Variants in PTPRU observed in about 807,000 individuals in gnomAD.
PTPRU encodes receptor-type tyrosine-protein phosphatase U.
A neutral mutation model predicts 166.3 loss-of-function variants in PTPRU; 69 were observed. That is an observed-to-expected ratio of 0.41 (90% CI 0.34 to 0.51). The LOEUF (loss-of-function observed/expected upper bound fraction) is 0.51, where lower values mean the gene tolerates loss of function less well. Ranked by LOEUF, PTPRU falls within the 20% of genes least tolerant of loss-of-function variation. The probability of loss-of-function intolerance (pLI) is 0.09; values close to 1 mark genes in which losing one functional copy is unlikely to be tolerated. For missense variants in PTPRU, 1,657 were observed against 2,013.7 expected, an observed-to-expected ratio of 0.82 and a Z score of 3.39; for synonymous variants, 793 against 814.0, an observed-to-expected ratio of 0.97 and a Z score of 0.44.
At chr1:29,286,927 C>T (rs1557451120) in intron 14 of PTPRU, among the ~76,000 whole-genome samples, 2 of 152,228 alleles carry the variant, frequency 1.3e-5, no homozygotes, top group African/African-American at 4.8e-5. Context: ...GTAGTACCCA[C>T]TGCATGCCCC....
At chr1:29,307,317 G>T (rs1445729229) in intron 18 of PTPRU, among the ~76,000 whole-genome samples, 2 of 152,220 alleles carry the variant, frequency 1.3e-5, no homozygotes, top group African/African-American at 2.4e-5. Context: ...GCCAGGGGCT[G>T]CCCAGGGCTG....
chr1:29,267,833 C>T (rs149836295), intron 7 of PTPRU, among the ~76,000 whole-genome samples: 77 of 152,252 alleles, frequency 5.1e-4, no homozygotes, highest in African/African-American at 1.6e-3. Context: ...GCAAAGGTGC[C>T]GCAGAGACCA....
intron 7 of PTPRU, among the ~76,000 whole-genome samples, chr1:29,270,699 A>G (rs950397016): frequency 1.3e-5 from 2 of 152,208 alleles, no homozygotes; most frequent in African/African-American, 2.4e-5. Flanking sequence ...GCAGTGGCTC[A>G]TGCCTGTAAT....
At chr1:29,309,290 GA>G (rs1687542881) in intron 18 of PTPRU, among the ~76,000 whole-genome samples, 1 of 152,106 alleles carries the variant, frequency 6.6e-6, no homozygotes, top group South Asian at 2.1e-4. Context: ...CCAGACCTTT[GA>G]ATCTGAATCT....
intron 25 of PTPRU, among the ~76,000 whole-genome samples, chr1:29,318,745 C>A (rs1029049433): frequency 6.6e-6 from 1 of 152,210 alleles, no homozygotes; most frequent in Non-Finnish European, 1.5e-5. Flanking sequence ...TGGCAGGGAG[C>A]AGGAGCAATT....
chr1:29,284,892 C>G, intron 14 of PTPRU, 23 bp downstream of exon 14: 2 of 1,592,882 alleles, frequency 1.3e-6, no homozygotes, highest in Non-Finnish European at 1.7e-6. Flanking sequence ...GGTGCCCTGT[C>G]CCACCAGTGG....
intron 26 of PTPRU, among the ~76,000 whole-genome samples, chr1:29,322,992 G>A (rs1312854151): frequency 2.0e-5 from 3 of 151,114 alleles, no homozygotes; most frequent in Admixed American, 6.6e-5. Flanking sequence ...TGAGAGAGAA[G>A]GCTGGGGGGA....
chr1:29,302,277 G>A (rs1687173224), intron 15 of PTPRU, among the ~76,000 whole-genome samples: 1 of 152,000 alleles, frequency 6.6e-6, no homozygotes, highest in African/African-American at 2.4e-5. Flanking sequence ...TTGTATAGCT[G>A]TACTATGTGC....
chr1:29,263,820 A>G (rs1685173290), intron 7 of PTPRU, among the ~76,000 whole-genome samples: 1 of 152,216 alleles, frequency 6.6e-6, no homozygotes, highest in African/African-American at 2.4e-5. Flanking sequence ...AGTGTTAAAA[A>G]TGACCAATTT....
At chr1:29,319,085 T>TGA (rs35478293) in intron 25 of PTPRU, among the ~76,000 whole-genome samples, 14,239 of 152,098 alleles carry the variant, frequency 0.094, 742 homozygotes, top group Middle Eastern at 0.19. Flanking sequence ...TAGCCACTGA[T>TGA]GAGAGATGTG....
intron 15 of PTPRU, among the ~76,000 whole-genome samples, chr1:29,302,304 C>A (rs983443818): frequency 1.3e-5 from 2 of 151,988 alleles, no homozygotes; most frequent in African/African-American, 2.4e-5. Context: ...TTACAAAAGT[C>A]AAAAAATTCA....
intron 5 of PTPRU, 47 bp from the exon 6 acceptor site, chr1:29,259,823 C>T: frequency 6.7e-7 from 1 of 1,488,212 alleles, no homozygotes; most frequent in East Asian, 2.5e-5. Context: ...GAGATCGGGA[C>T]CCCTCGCTCC....
At chr1:29,301,563 A>G (rs1687135052) in intron 15 of PTPRU, among the ~76,000 whole-genome samples, 1 of 152,246 alleles carries the variant, frequency 6.6e-6, no homozygotes, top group Non-Finnish European at 1.5e-5. Context: ...GAAGTGTCCC[A>G]GAAGAAGGCA....
Position 29,320,854 on chromosome 1 carries a change from G to T in PTPRU, c.3828+29G>T. 6.6e-7 allele frequency: 1 copy of T among 1,524,586 alleles called. No individual in the cohort carries two copies. Among genetic ancestry groups the T allele is most frequent in the Non-Finnish European group, 8.9e-7 (1 of 1,128,178 alleles). The allele number at this position is 1,524,586 out of a possible 1,614,324, so 94.4% of individuals were successfully genotyped here. ...AGGCCTCCACTGGCCAGGCCAATGG[G>T]CCGCCTGCTCCCAGGTCCTCTGTGT... On this transcript the variant is annotated intron_variant, in intron 26 of 29. Coordinates refer to ENST00000373779, the MANE Select transcript of PTPRU (RefSeq NM_133178.4). The surrounding 1 kb of genome is among the most constrained non-coding windows in gnomAD (Gnocchi z 5.2).
At position 29,280,212 on chromosome 1, in the gene PTPRU, C is replaced by A; in HGVS notation, c.1868+71C>A. 5 of 1,433,388 alleles carry A rather than the reference C, an allele frequency of 3.5e-6. No homozygotes were observed. The highest frequency in any genetic ancestry group is 4.9e-6 in the Non-Finnish European group (5 of 1,030,522). 88.8% of individuals were successfully genotyped at this position (1,433,388 alleles called of 1,614,324 possible). Reference sequence around the variant, plus strand: ...AGAGGCCCCTCCTCTGACCCAGAGCCCCATCCCAGGCCAGCTCACCCTTTT... The same window carrying A: ...AGAGGCCCCTCCTCTGACCCAGAGCACCATCCCAGGCCAGCTCACCCTTTT... On this transcript the variant is annotated intron_variant, in intron 11 of 29. Coordinates refer to ENST00000373779, the MANE Select transcript of PTPRU (RefSeq NM_133178.4). The surrounding 1 kb of genome is among the most constrained non-coding windows in gnomAD (Gnocchi z 4.2).
Position 29,240,604 on chromosome 1 carries a change from G to T in PTPRU, c.73+3887G>T, listed in dbSNP as rs1040912838. On this transcript the variant is annotated intron_variant, in intron 1 of 29. Coordinates refer to ENST00000373779, the MANE Select transcript of PTPRU (RefSeq NM_133178.4). ...GTGTCATCTGGGAGCTTTGAGTTGG[G>T]GAGGTTGAGTCCCTGGCAAGAGACT... Among the ~76,000 whole-genome samples, 43 of 152,242 alleles carry T rather than the reference G, an allele frequency of 2.8e-4. No homozygotes were observed. In the Middle Eastern group the frequency reaches 0.017, roughly 60 times the overall value.
Position 29,238,401 on chromosome 1 carries a change from G to A in PTPRU, c.73+1684G>A, listed in dbSNP as rs993961723. Among the ~76,000 whole-genome samples, 1 of 152,092 alleles carries A rather than the reference G, an allele frequency of 6.6e-6. No homozygotes were observed. Among genetic ancestry groups the A allele is most frequent in the African/African-American group, 2.4e-5 (1 of 41,454 alleles). On this transcript the variant is annotated intron_variant, in intron 1 of 29. Coordinates refer to ENST00000373779, the MANE Select transcript of PTPRU (RefSeq NM_133178.4). The surrounding 1 kb of genome is among the most constrained non-coding windows in gnomAD (Gnocchi z 6.1). Reference sequence around the variant, plus strand: ...CCGGCGGGGCTGCTCCGCGGGCTCCGGGTAGCCGGGAGACGCCCGGGGCGG... The same window carrying A: ...CCGGCGGGGCTGCTCCGCGGGCTCCAGGTAGCCGGGAGACGCCCGGGGCGG...
At chr1:29,286,176 T>TG (rs1395918266) in intron 14 of PTPRU, among the ~76,000 whole-genome samples, 1 of 151,924 alleles carries the variant, frequency 6.6e-6, no homozygotes, top group African/African-American at 2.4e-5. Context: ...GTGGAGGAGA[T>TG]GGGGGGGATG....
intron 14 of PTPRU, among the ~76,000 whole-genome samples, chr1:29,290,201 A>C (rs1686562234): frequency 6.6e-6 from 1 of 152,138 alleles, no homozygotes; most frequent in South Asian, 2.1e-4. Flanking sequence ...TCAGGCCCCT[A>C]CAAGTCCCTT....
Sources: gnomAD v4.1 joint callset for allele counts (sites outside exome capture counted in the v4.1 genomes callset) on GRCh38, gnomAD v4.1.1 for gene constraint, Gnocchi (gnomAD v3.1) non-coding constraint, MANE v1.5 for transcripts, NCBI Gene and HGNC (gene_info 2026-07-23, HGNC 2026-07-21) for gene names.